Variants in STRC observed in about 807,000 individuals in gnomAD.
The protein encoded by STRC is stereocilin.
Under a neutral mutation model 103.5 loss-of-function variants are expected in STRC, and 43 were observed. The ratio of observed to expected loss-of-function variants is 0.42; its 90% confidence interval spans 0.33 to 0.54. The LOEUF (loss-of-function observed/expected upper bound fraction) is 0.54. STRC is among the 20% of genes least tolerant of loss of function. The pLI is 0.14. For missense variants in STRC, 499 were observed against 1,088.5 expected, an observed-to-expected ratio of 0.46 and a Z score of 7.62; for synonymous variants, 186 against 442.3, an observed-to-expected ratio of 0.42 and a Z score of 7.27.
chr15:43,605,166 G>A, intron 19 of STRC, 98 bp downstream of exon 19: 1 of 1,556,964 alleles, frequency 6.4e-7, no homozygotes, highest in Non-Finnish European at 8.7e-7. Flanking sequence ...CAGCAAGAAA[G>A]CAAGAAGTAG....
chr15:43,601,819 T>C, intron 23 of STRC: 1 of 460,288 alleles, frequency 2.2e-6, no homozygotes, highest in Non-Finnish European at 4.0e-6. Flanking sequence ...CAGAGACGCT[T>C]ATTAAAACAG....
Position 43,618,349 on chromosome 15 carries a change from CAG to C in STRC, c.70_71del (p.Leu24GlyfsTer47). 2.2e-6 allele frequency: 1 copy of C among 448,404 alleles called. No individual in the cohort carries two copies. Among genetic ancestry groups the C allele is most frequent in the South Asian group, 2.2e-5 (1 of 45,094 alleles). 27.8% of individuals were successfully genotyped at this position (448,404 alleles called of 1,614,324 possible). ...LLLLLSFAVT[L>X]APTGPHSLDP... ...CCAGGGAATGAGGCCCAGTAGGGGC[CAG>C]AGTCACTGTAAGGAGAGAAACCAGA... On this transcript the variant is annotated frameshift_variant, in exon 2 of 29. Transcript: ENST00000450892. LOFTEE classifies it high-confidence loss of function.
chr15:43,602,955 A>G (rs1381918511), intron 23 of STRC, among the ~76,000 whole-genome samples: 1 of 151,794 alleles, frequency 6.6e-6, no homozygotes, highest in East Asian at 1.9e-4. Flanking sequence ...GAAGCATGCC[A>G]TTATTTTTTT....
Position 43,605,025 on chromosome 15 carries a change from G to A in STRC, c.3931-179C>T, listed in dbSNP as rs981827234. On this transcript the variant is annotated intron_variant, in intron 19 of 28. Coordinates refer to ENST00000450892, the MANE Select transcript of STRC (RefSeq NM_153700.2). ...GAGCCCAGATAGGAGCAGGCAGAAA[G>A]ACTGAGAGGTGGACTCCAAGAGATT... The A allele has an allele frequency of 2.8e-6, 3 of 1,089,712 alleles. No homozygotes were observed. In the African/African-American group the frequency reaches 4.7e-5, roughly 17 times the overall value. 67.5% of individuals were successfully genotyped at this position (1,089,712 alleles called of 1,614,324 possible).
chr15:43,600,980 C>T lies in STRC; in HGVS notation c.4736G>A (p.Ser1579Asn). ...GTCCAGGTGGCTCACATGCCGACCA[C>T]TCTGCCGTAGGAAACTGGAGACCAC... Reference protein sequence around the residue: ...RIVVSSFLRQSGRHVSHLDFV... With the variant: ...RIVVSSFLRQNGRHVSHLDFV... Residue 1579 changes from serine (S) to asparagine (N), a missense_variant, in exon 25 of 29, where the codon AGT becomes AAT. Physicochemically the swap from Ser to Asn is conservative, Grantham distance 46. Transcript: ENST00000450892. 1 of 1,598,804 alleles carries T rather than the reference C, an allele frequency of 6.3e-7. No homozygotes were observed. The highest frequency in any genetic ancestry group is 8.5e-7 in the Non-Finnish European group (1 of 1,175,328).
In STRC at chr15:43,604,657, C is replaced by G. The variant is rs1467663111; in HGVS notation, c.4120G>C (p.Val1374Leu). Residue 1374 changes from valine to leucine, a missense_variant, in exon 20 of 29, where the codon GTT becomes CTT. By Grantham distance (32) the Val-to-Leu change is conservative (BLOSUM62 1). Coordinates refer to ENST00000450892, the MANE Select transcript of STRC (RefSeq NM_153700.2). Reference sequence around the variant, plus strand: ...GTTCTCGAAGGTCCATACCCAAGAACAGACTCCTGCAATAGCAGCCATCCC... The same window carrying G: ...GTTCTCGAAGGTCCATACCCAAGAAGAGACTCCTGCAATAGCAGCCATCCC... ...ELGWLLLQES[V>L]LGKPELWSQD... The G allele has an allele frequency of 1.2e-6, 2 of 1,613,506 alleles. No individual in the cohort carries two copies. The highest frequency in any genetic ancestry group is 1.7e-6 in the Non-Finnish European group (2 of 1,179,740).
At position 43,603,268 on chromosome 15, in the gene STRC, G is replaced by C; in HGVS notation, c.4519C>G (p.Arg1507Gly). 1 of 1,613,642 alleles carries C rather than the reference G, an allele frequency of 6.2e-7. No individual in the cohort carries two copies. Among genetic ancestry groups the C allele is most frequent in the African/African-American group, 1.3e-5 (1 of 74,942 alleles). The change falls in exon 23 of 29, where the codon CGG becomes GGG. Residue 1507 changes from arginine (R) to glycine (G), a missense_variant. Arg to Gly is a moderately radical substitution (Grantham distance 125). Transcript: ENST00000450892. ...TGTTTTGCTTTGCCCATGGCTGCCCGCAGTTCCTCAGGCCCAAGTCCTGGG... is the reference window on the plus strand; with the variant it reads ...TGTTTTGCTTTGCCCATGGCTGCCCCCAGTTCCTCAGGCCCAAGTCCTGGG... ...GDPGLGPEEL[R>G]AAMGKAKQLW...
Position 43,617,778 on chromosome 15 carries a change from A to AGTGAGG in STRC, c.637_642dup (p.Pro213_His214dup). On this transcript the variant is annotated inframe_insertion, in exon 2 of 29. Coordinates refer to ENST00000450892, the MANE Select transcript of STRC (RefSeq NM_153700.2). ...AGCAAACCCAACAGACCCTGCAAAA[A>AGTGAGG]GTGAGGAGCTGCCTCCCTCCCATCG... 3.3e-6 allele frequency: 5 copies of AGTGAGG among 1,512,550 alleles called. No individual in the cohort carries two copies. The highest frequency in any genetic ancestry group is 4.5e-6 in the Non-Finnish European group (5 of 1,106,260). The allele number at this position is 1,512,550 out of a possible 1,614,324, so 93.7% of individuals were successfully genotyped here.
Position 43,603,172 on chromosome 15 carries a change from C to T in STRC, c.4545+70G>A, listed in dbSNP as rs1479028423. On this transcript the variant is annotated intron_variant, in intron 23 of 28. Coordinates refer to ENST00000450892, the MANE Select transcript of STRC (RefSeq NM_153700.2). ...CCCACCTCTCATCCAACTCTCCATT[C>T]TCTTTGTGTCCTACATCACACCCAA... 1.9e-6 allele frequency: 3 copies of T among 1,543,908 alleles called. No individual in the cohort carries two copies. In the East Asian group the frequency reaches 6.7e-5, roughly 35 times the overall value.
intron 19 of STRC, 112 bp from the exon 20 acceptor site, chr15:43,604,958 A>G: frequency 6.8e-7 from 1 of 1,466,210 alleles, no homozygotes; most frequent in Non-Finnish European, 9.3e-7. Context: ...CCAGCTCAGC[A>G]CCCTATGATG....
Position 43,600,646 on chromosome 15 carries a change from C to T in STRC, c.4881G>A (p.Gln1627=), listed in dbSNP as rs2085658217. The T allele has an allele frequency of 6.2e-7, 1 of 1,613,696 alleles. No homozygotes were observed. The highest frequency in any genetic ancestry group is 2.2e-5 in the East Asian group (1 of 44,870). The change falls in exon 26 of 29, where the codon CAG becomes CAA. Residue 1627 remains glutamine (Q), a synonymous_variant. Transcript: ENST00000450892. ...GAACCTCCAGTTGTTCCTCAGAGCA[C>T]TGGAGATGCAGGGTGCCGAGGAAGA... The part of the protein sequence containing the change: ...AALFLGTLHL[Q]CSEEQLEVLA...
chr15:43,603,461 C>T, intron 22 of STRC, 50 bp from the exon 23 acceptor site: 2 of 1,579,232 alleles, frequency 1.3e-6, no homozygotes, highest in Non-Finnish European at 1.7e-6. Context: ...TAAAATATGC[C>T]CAGAGAGATA....
rs1459016496 is a variant in STRC, at chr15:43,617,866, GC to G, written c.554del (p.Gly185AlafsTer45). On this transcript the variant is annotated frameshift_variant, in exon 2 of 29. Transcript: ENST00000450892. LOFTEE classifies it high-confidence loss of function. ...CCTGCACCAGAGCTTGCCAGCGTGT[GC>G]CCTCTAACAACAGCAGCAGAGAAGG... is the stretch of plus-strand genomic sequence containing the variant. ...WLPSLLLLLE[G>X]TRWQALVQVQ... The G allele has an allele frequency of 6.2e-7, 1 of 1,612,650 alleles. No homozygotes were observed. Among genetic ancestry groups the G allele is most frequent in the Non-Finnish European group, 8.5e-7 (1 of 1,179,100 alleles).
At chr15:43,603,597 A>T in intron 22 of STRC, 186 bp from the exon 23 acceptor site, 1 of 720,808 alleles carries the variant, frequency 1.4e-6, no homozygotes, top group South Asian at 1.6e-5. Flanking sequence ...GTGATTGGAG[A>T]TGCCAAGACT....
intron 23 of STRC, 93 bp downstream of exon 23, chr15:43,603,149 C>T (rs191982419): frequency 8.3e-5 from 114 of 1,380,434 alleles, no homozygotes; most frequent in Non-Finnish European, 1.1e-4. Context: ...TTGCTTCCCC[C>T]ACCTCTCATC....
chr15:43,603,993 C>T lies in STRC; in HGVS notation c.4375+3G>A, dbSNP rs1277332457. 1 of 1,612,810 alleles carries T rather than the reference C, an allele frequency of 6.2e-7. No homozygotes were observed. Among genetic ancestry groups the T allele is most frequent in the Admixed American group, 1.7e-5 (1 of 59,940 alleles). ...GGACATATAAGTATTTGGGTAGTTT[C>T]ACCTGGAAGATCCTCAGCAGCTGGT... On this transcript the variant is annotated splice_donor_region_variant and intron_variant, in intron 22 of 28. Transcript: ENST00000450892.
intron 23 of STRC, among the ~76,000 whole-genome samples, chr15:43,601,882 G>A (rs969839731): frequency 6.6e-5 from 10 of 151,818 alleles, no homozygotes; most frequent in African/African-American, 2.4e-4. Context: ...CACTTTGGGA[G>A]GCTGAGGTGG....
At chr15:43,601,038 G>A (rs745402959) in intron 24 of STRC, 24 bp from the exon 25 acceptor site, 1 of 1,463,938 alleles carries the variant, frequency 6.8e-7, no homozygotes, top group East Asian at 2.5e-5. Flanking sequence ...TGGGAGAAGA[G>A]GGGAAGGAGG....
At position 43,605,244 on chromosome 15, in the gene STRC, C is replaced by G; in HGVS notation, c.3930+20G>C. 6.3e-7 allele frequency: 1 copy of G among 1,577,720 alleles called. No individual in the cohort carries two copies. Among genetic ancestry groups the G allele is most frequent in the Non-Finnish European group, 8.6e-7 (1 of 1,160,748 alleles). ...ATTGCCCAGGGCAGCAAATCTGAGT[C>G]TGGTAGGGTGGACTCTTACCAGGTT... On this transcript the variant is annotated intron_variant, in intron 19 of 28. Transcript: ENST00000450892.
Sources: gnomAD v4.1 joint callset for allele counts (sites outside exome capture counted in the v4.1 genomes callset) on GRCh38, gnomAD v4.1.1 for gene constraint, MANE v1.5 for transcripts, NCBI Gene and HGNC (gene_info 2026-07-23, HGNC 2026-07-21) for gene names.